DLG2: variants seen among roughly 807,000 people sequenced by gnomAD.
The protein encoded by DLG2 is discs large MAGUK scaffold protein 2, also known as disks large homolog 2.
Under a neutral mutation model 132.5 loss-of-function variants are expected in DLG2, and 45 were observed. The ratio of observed to expected loss-of-function variants is 0.34; its 90% CI spans 0.27 to 0.44. The LOEUF is 0.44. Ranked by LOEUF, DLG2 falls within the 20% of genes least tolerant of loss-of-function variation. The probability of loss-of-function intolerance (pLI) is 1.00; values close to 1 mark genes in which losing one functional copy is unlikely to be tolerated. For missense variants in DLG2, 1,045 were observed against 1,196.9 expected, an observed-to-expected ratio of 0.87 and a Z score of 1.87; for synonymous variants, 424 against 419.6, an observed-to-expected ratio of 1.01 and a Z score of -0.13.
intron 18 of DLG2, among the ~76,000 whole-genome samples, chr11:83,661,231 G>A (rs551038868): frequency 1.1e-3 from 168 of 152,198 alleles, no homozygotes; most frequent in African/African-American, 3.8e-3. Context: ...ATGATCTTGG[G>A]TGAGTTATTC....
At chr11:85,521,080 C>G (rs1341172727) in intron 3 of DLG2, among the ~76,000 whole-genome samples, 1 of 152,152 alleles carries the variant, frequency 6.6e-6, no homozygotes, top group Non-Finnish European at 1.5e-5. Flanking sequence ...AAGAGACAAC[C>G]AACATAATGG....
intron 6 of DLG2, among the ~76,000 whole-genome samples, chr11:84,745,867 C>A (rs2065290848): frequency 6.6e-6 from 1 of 152,036 alleles, no homozygotes; most frequent in Admixed American, 6.6e-5. Flanking sequence ...ATAAATATTC[C>A]CATTCAAAAA....
chr11:83,838,991 G>A (rs1018871477), intron 16 of DLG2, among the ~76,000 whole-genome samples: 3 of 152,180 alleles, frequency 2.0e-5, no homozygotes, highest in African/African-American at 7.2e-5. Flanking sequence ...ACTTTATGCA[G>A]GAAGAATACA....
intron 7 of DLG2, among the ~76,000 whole-genome samples, chr11:84,447,568 A>G (rs765466136): frequency 3.2e-4 from 49 of 152,302 alleles, no homozygotes; most frequent in Non-Finnish European, 5.6e-4. Flanking sequence ...TCATAAATTT[A>G]AAGTCTTCCA....
intron 8 of DLG2, among the ~76,000 whole-genome samples, chr11:84,232,157 G>A (rs760321249): frequency 2.3e-4 from 35 of 152,152 alleles, no homozygotes; most frequent in Non-Finnish European, 4.7e-4. Flanking sequence ...TACAATTCTC[G>A]TATCACCTTC....
chr11:84,928,982 G>GTGTGTATATATATATATATATA (rs1400906684), intron 6 of DLG2, among the ~76,000 whole-genome samples: 1 of 49,130 alleles, frequency 2.0e-5, no homozygotes, highest in Non-Finnish European at 3.6e-5. Context: ...GTGTGTGTGT[G>GTGTGTATATATATATATATATA]TATATATATA....
chr11:83,571,119 T>C (rs1253638136), intron 19 of DLG2, among the ~76,000 whole-genome samples: 5 of 152,142 alleles, frequency 3.3e-5, no homozygotes, highest in African/African-American at 7.2e-5. Flanking sequence ...TGACTTCAGG[T>C]GATCCACCCA....
chr11:84,679,283 A>C (rs140259616), intron 6 of DLG2, among the ~76,000 whole-genome samples: 94 of 152,196 alleles, frequency 6.2e-4, no homozygotes, highest in African/African-American at 2.1e-3. Context: ...ATATAATGAA[A>C]TATTTCACGT....
intron 2 of DLG2, among the ~76,000 whole-genome samples, chr11:85,616,093 T>C (rs1473907444): frequency 6.6e-6 from 1 of 152,218 alleles, no homozygotes; most frequent in Non-Finnish European, 1.5e-5. Flanking sequence ...TTGCTTAATG[T>C]AGTCAACTGA....
chr11:84,076,829 G>T (rs1483005530), intron 10 of DLG2, among the ~76,000 whole-genome samples: 1 of 152,098 alleles, frequency 6.6e-6, no homozygotes, highest in Non-Finnish European at 1.5e-5. Context: ...ATCACTTCCA[G>T]AAAATATGTT....
intron 16 of DLG2, among the ~76,000 whole-genome samples, chr11:83,852,614 G>C (rs572320546): frequency 1.8e-3 from 277 of 152,302 alleles, no homozygotes; most frequent in Non-Finnish European, 3.1e-3. Flanking sequence ...TTTAGCTGTA[G>C]TTGAACTCTA....
chr11:84,718,795 T>G (rs2061490648), intron 6 of DLG2, among the ~76,000 whole-genome samples: 1 of 152,176 alleles, frequency 6.6e-6, no homozygotes, highest in Non-Finnish European at 1.5e-5. Flanking sequence ...TCCTTAGTTA[T>G]TGGTGCTATT....
intron 3 of DLG2, among the ~76,000 whole-genome samples, chr11:85,303,353 A>G (rs2079727076): frequency 6.6e-6 from 1 of 152,218 alleles, no homozygotes; most frequent in Admixed American, 6.5e-5. Context: ...AGGTTTCATT[A>G]TCACTCTTTG....
intron 19 of DLG2, among the ~76,000 whole-genome samples, chr11:83,608,627 A>T (rs1255786202): frequency 2.0e-5 from 3 of 152,092 alleles, no homozygotes; most frequent in African/African-American, 7.2e-5. Context: ...TTTTTGCACT[A>T]TTGAAAAGTT....
chr11:83,565,816 G>A (rs2096698346), intron 19 of DLG2, among the ~76,000 whole-genome samples: 1 of 152,170 alleles, frequency 6.6e-6, no homozygotes, highest in East Asian at 1.9e-4. Context: ...GTTCTGCAAG[G>A]TAAAGACACT....
chr11:83,826,355 T>C (rs2052782739), intron 17 of DLG2, among the ~76,000 whole-genome samples: 1 of 152,158 alleles, frequency 6.6e-6, no homozygotes, highest in South Asian at 2.1e-4. Context: ...TCACAAGCCA[T>C]ATCTGTTTTC....
At chr11:83,755,460 CTG>C (rs2093607884) in intron 18 of DLG2, among the ~76,000 whole-genome samples, 1 of 150,962 alleles carries the variant, frequency 6.6e-6, no homozygotes. Flanking sequence ...ATATAATACA[CTG>C]TAAGAATCTA....
chr11:84,374,223 C>A (rs1215067082), intron 7 of DLG2, among the ~76,000 whole-genome samples: 3 of 152,142 alleles, frequency 2.0e-5, no homozygotes, highest in Admixed American at 1.3e-4. Flanking sequence ...GGAACTTTTT[C>A]CCCAAACCAG....
At chr11:85,154,448 G>T (rs2077467538) in intron 5 of DLG2, 108 bp downstream of exon 5, 1 of 590,780 alleles carries the variant, frequency 1.7e-6, no homozygotes, top group Admixed American at 3.7e-5. Flanking sequence ...TAGAAATTAG[G>T]TTACACATTT....
Sources: allele counts gnomAD v4.1 joint callset (sites outside exome capture counted in the v4.1 genomes callset), GRCh38; gene constraint gnomAD v4.1.1; transcripts MANE v1.5; gene names NCBI Gene and HGNC (gene_info 2026-07-23, HGNC 2026-07-21).